ZNRF3: variants seen among roughly 807,000 people sequenced by gnomAD.
The protein encoded by ZNRF3 is zinc and ring finger 3, also known as E3 ubiquitin-protein ligase ZNRF3.
In ZNRF3, 23 loss-of-function variants were observed where a neutral mutation model predicts 72.5. The observed-to-expected ratio is 0.32, with a 90% CI of 0.23 to 0.45. The LOEUF is 0.45. Among genes scored for constraint, ZNRF3 ranks in the 20% least tolerant of loss-of-function variants. ZNRF3 has a pLI of 1.00. For missense variants in ZNRF3, 1,169 were observed against 1,272.1 expected, an observed-to-expected ratio of 0.92 and a Z score of 1.23; for synonymous variants, 610 against 545.3, an observed-to-expected ratio of 1.12 and a Z score of -1.65.
Position 28,883,735 on chromosome 22 carries a change from G to T in ZNRF3, c.-32G>T, listed in dbSNP as rs950307560. 1.3e-5 allele frequency: 13 copies of T among 981,298 alleles called. No homozygotes were observed. The African/African-American group carries it at 2.1e-4, about 16-fold the overall frequency. 60.8% of individuals were successfully genotyped at this position (981,298 alleles called of 1,614,324 possible). A position where few individuals can be genotyped will look rare whatever the true frequency, so the allele number is the denominator to read the frequency against. On this transcript the variant is annotated 5_prime_UTR_variant, in exon 1 of 9. Coordinates refer to ENST00000544604, the MANE Select transcript of ZNRF3 (RefSeq NM_001206998.2). This position sits in a 1 kb window ranked among gnomAD's most constrained non-coding sequence, Gnocchi z 5.5. Reference sequence around the variant, plus strand: ...CCGGCCCGCGACTATGCCCGGCCGCGCCCGCCCTCCGCGCCCTCCCGCCGC... The same window carrying T: ...CCGGCCCGCGACTATGCCCGGCCGCTCCCGCCCTCCGCGCCCTCCCGCCGC...
intron 2 of ZNRF3, among the ~76,000 whole-genome samples, chr22:29,013,433 G>A (rs996009124): frequency 1.3e-5 from 2 of 152,116 alleles, no homozygotes; most frequent in Non-Finnish European, 2.9e-5. Flanking sequence ...AAAGAAAACT[G>A]GTTTTGTAGA....
intron 2 of ZNRF3, chr22:29,026,153 G>A (rs1279649221): frequency 1.3e-5 from 2 of 152,176 alleles, no homozygotes; most frequent in Non-Finnish European, 2.9e-5. Flanking sequence ...CATTCTGTTA[G>A]CCTATGGAAA....
chr22:28,956,339 T>C (rs2035260480), intron 1 of ZNRF3, among the ~76,000 whole-genome samples: 1 of 151,178 alleles, frequency 6.6e-6, no homozygotes, highest in African/African-American at 2.4e-5. Context: ...CCGAATGGCC[T>C]TTGTTTCCAT....
intron 2 of ZNRF3, among the ~76,000 whole-genome samples, chr22:28,996,654 T>G (rs990967098): frequency 1.3e-5 from 2 of 152,228 alleles, no homozygotes; most frequent in Non-Finnish European, 2.9e-5. Flanking sequence ...TCTGCAGTAC[T>G]GGGGCCAAAA....
intron 2 of ZNRF3, among the ~76,000 whole-genome samples, chr22:29,002,829 T>A (rs964509651): frequency 6.6e-6 from 1 of 152,162 alleles, no homozygotes; most frequent in African/African-American, 2.4e-5. Context: ...AGCATGTACT[T>A]CCGAAAGCGC....
Position 28,973,953 on chromosome 22 carries a change from CTT to C in ZNRF3, c.301-13102_301-13101del, listed in dbSNP as rs553300044. On this transcript the variant is annotated intron_variant, in intron 1 of 8. Coordinates refer to ENST00000544604, the MANE Select transcript of ZNRF3 (RefSeq NM_001206998.2). The stretch of plus-strand genomic sequence containing the variant: ...GAAAGGAATGCATCTCTCTCTCTCT[CTT>C]TTTTTTTTTTTTTTTTTTTTGAGAC... Among the ~76,000 whole-genome samples the C allele has an allele frequency of 4.7e-3, 523 of 111,440 alleles. 1 individual carries two copies. Among genetic ancestry groups the C allele is most frequent in the African/African-American group, 0.015 (453 of 30,894 alleles). 73.1% of individuals were successfully genotyped at this position (111,440 alleles called of 152,430 possible). A position where few individuals can be genotyped will look rare whatever the true frequency, so the allele number is the denominator to read the frequency against.
intron 1 of ZNRF3, among the ~76,000 whole-genome samples, chr22:28,888,169 T>G (rs1245805782): frequency 2.0e-5 from 3 of 152,152 alleles, no homozygotes; most frequent in Non-Finnish European, 4.4e-5. Context: ...GGTAGAGAGC[T>G]GGGTGGTGGG....
chr22:29,003,657 T>C (rs1449041034), intron 2 of ZNRF3, among the ~76,000 whole-genome samples: 1 of 151,432 alleles, frequency 6.6e-6, no homozygotes, highest in Non-Finnish European at 1.5e-5. Context: ...CTCGGCAACA[T>C]AGTGAGACCC....
chr22:29,041,140 G>T (rs2036954907), intron 2 of ZNRF3, among the ~76,000 whole-genome samples: 1 of 152,096 alleles, frequency 6.6e-6, no homozygotes, highest in African/African-American at 2.4e-5. Context: ...GGACATGCAT[G>T]TATGTATGTA....
intron 6 of ZNRF3, among the ~76,000 whole-genome samples, chr22:29,047,202 A>T (rs1288907200): frequency 6.6e-6 from 1 of 152,154 alleles, no homozygotes; most frequent in Non-Finnish European, 1.5e-5. Context: ...GGCTGCAGTG[A>T]GCTATTATTA....
rs199953416 is a variant in ZNRF3, at chr22:29,054,011, GA to G, written c.*398del. On this transcript the variant is annotated 3_prime_UTR_variant, in exon 9 of 9. Transcript: ENST00000544604. ...CTAACTGCCAACTTTTGCTGAAAAA[GA>G]AAAAAAAATCACTGCTGCATTAAAT... 2.6e-5 allele frequency: 4 copies of G among 154,924 alleles called. No homozygotes were observed. The highest frequency in any genetic ancestry group is 2.0e-4 in the South Asian group (1 of 5,084). The allele number at this position is 154,924 out of a possible 1,614,324, so 9.6% of individuals were successfully genotyped here.
intron 2 of ZNRF3, among the ~76,000 whole-genome samples, chr22:29,038,985 G>A (rs1039809195): frequency 6.6e-6 from 1 of 151,716 alleles, no homozygotes; most frequent in African/African-American, 2.4e-5. Flanking sequence ...GAGAGAGACA[G>A]ATTCAAACCC....
chr22:28,964,647 A>G (rs901943584), intron 1 of ZNRF3, among the ~76,000 whole-genome samples: 1 of 152,218 alleles, frequency 6.6e-6, no homozygotes, highest in African/African-American at 2.4e-5. Flanking sequence ...GGCTGTCGTG[A>G]GACAGTGTCT....
At chr22:28,963,468 G>A (rs186333764) in intron 1 of ZNRF3, among the ~76,000 whole-genome samples, 14 of 152,160 alleles carry the variant, frequency 9.2e-5, no homozygotes, top group African/African-American at 3.1e-4. Flanking sequence ...GGAGAGGGGG[G>A]TAGGGAGGGA....
intron 1 of ZNRF3, among the ~76,000 whole-genome samples, chr22:28,960,244 G>A (rs372906857): frequency 1.3e-5 from 2 of 152,076 alleles, no homozygotes; most frequent in African/African-American, 2.4e-5. Flanking sequence ...TGCATTTTTC[G>A]TTTATGTTTT....
chr22:28,950,491 C>A (rs2035140323), intron 1 of ZNRF3, among the ~76,000 whole-genome samples: 1 of 152,190 alleles, frequency 6.6e-6, no homozygotes, highest in Admixed American at 6.5e-5. Context: ...AAGCACTAAC[C>A]ACTGAGACTC....
chr22:29,015,784 G>C (rs899399835), intron 2 of ZNRF3, among the ~76,000 whole-genome samples: 1 of 151,804 alleles, frequency 6.6e-6, no homozygotes. Flanking sequence ...TTGGGAGGCC[G>C]AGGCGGGTGG....
At chr22:29,027,553 C>G (rs1038066888) in intron 2 of ZNRF3, among the ~76,000 whole-genome samples, 5 of 152,036 alleles carry the variant, frequency 3.3e-5, no homozygotes, top group African/African-American at 7.2e-5. Flanking sequence ...CTGGCCCCCT[C>G]TATTATTTAA....
intron 1 of ZNRF3, 79 bp downstream of exon 1, chr22:28,884,145 G>C (rs1488196559): frequency 9.9e-7 from 1 of 1,015,150 alleles, no homozygotes; most frequent in Non-Finnish European, 1.2e-6. Context: ...ACCCCGCCGC[G>C]GGCTGCCTGA....
Sources: gnomAD v4.1 joint callset for allele counts (sites outside exome capture counted in the v4.1 genomes callset) on GRCh38, gnomAD v4.1.1 for gene constraint, Gnocchi (gnomAD v3.1) non-coding constraint, MANE v1.5 for transcripts, NCBI Gene and HGNC (gene_info 2026-07-23, HGNC 2026-07-21) for gene names.